The following ARHGAP42 variants were observed in gnomAD, a reference collection of about 807,000 sequenced individuals.
ARHGAP42 encodes rho GTPase-activating protein 42.
A neutral mutation model predicts 125.0 loss-of-function variants in ARHGAP42; 63 were observed. That is an observed-to-expected ratio of 0.50 (90% confidence interval 0.41 to 0.62). The LOEUF (loss-of-function observed/expected upper bound fraction) is 0.62, where lower values mean the gene tolerates loss of function less well. Among genes scored for constraint, ARHGAP42 ranks in the 20% least tolerant of loss-of-function variants. ARHGAP42 has a pLI of 0.00. For missense variants in ARHGAP42, 766 were observed against 1,024.2 expected, an observed-to-expected ratio of 0.75 and a Z score of 3.44; for synonymous variants, 339 against 351.0, an observed-to-expected ratio of 0.97 and a Z score of 0.38.
In ARHGAP42 at chr11:100,921,239, ATATATATTTTTTTTTTTTTTT is replaced by A. The variant is rs1161453891; in HGVS notation, c.487-253_487-233del. Among the ~76,000 whole-genome samples, 49 of 26,562 alleles carry A rather than the reference ATATATATTTTTTTTTTTTTTT, an allele frequency of 1.8e-3. No homozygotes were observed. The East Asian group carries it at 0.059, about 32-fold the overall frequency. The allele number at this position is 26,562 out of a possible 152,430, so 17.4% of individuals were successfully genotyped here. ...CATATATATATATATATATATATAT[ATATATATTTTTTTTTTTTTTT>A]TTTTTTTTTTTTTACTGCAATGGGT... On this transcript the variant is annotated intron_variant, in intron 5 of 23. Transcript: ENST00000298815.
At position 100,802,122 on chromosome 11, in the gene ARHGAP42, C is replaced by T. The variant is rs116474211; in HGVS notation, c.312+6956C>T. Among the ~76,000 whole-genome samples the T allele has an allele frequency of 2.6e-3, 398 of 152,306 alleles. 3 individuals carry two copies. Among genetic ancestry groups the T allele is most frequent in the African/African-American group, 9.2e-3 (384 of 41,562 alleles). ...TGTAAACTTTGTGGTAACGTCTTCT[C>T]AGTTTCTGTACCACCATAGAAACCA... On this transcript the variant is annotated intron_variant, in intron 3 of 23. Transcript: ENST00000298815.
At chr11:100,751,474 T>G (rs1220027329) in intron 1 of ARHGAP42, among the ~76,000 whole-genome samples, 2 of 151,786 alleles carry the variant, frequency 1.3e-5, no homozygotes, top group African/African-American at 4.8e-5. Context: ...ATTTTTTTTT[T>G]TCTGCAGTAT....
At chr11:100,810,606 C>T (rs567621678) in intron 3 of ARHGAP42, among the ~76,000 whole-genome samples, 3 of 152,282 alleles carry the variant, frequency 2.0e-5, no homozygotes, top group East Asian at 3.9e-4. Flanking sequence ...AACTGTGCTA[C>T]GTAGTAGTTG....
At chr11:100,713,111 T>A (rs1861592430) in intron 1 of ARHGAP42, among the ~76,000 whole-genome samples, 1 of 152,258 alleles carries the variant, frequency 6.6e-6, no homozygotes, top group African/African-American at 2.4e-5. Context: ...TTAACAACCA[T>A]AAGTGTTCTC....
intron 2 of ARHGAP42, among the ~76,000 whole-genome samples, chr11:100,780,766 G>T (rs1863292558): frequency 6.6e-6 from 1 of 152,180 alleles, no homozygotes; most frequent in Admixed American, 6.5e-5. Flanking sequence ...AAGCCACAAT[G>T]GGTGGCATAA....
At chr11:100,958,228 G>T (rs1253345047) in intron 12 of ARHGAP42, among the ~76,000 whole-genome samples, 1 of 151,898 alleles carries the variant, frequency 6.6e-6, no homozygotes, top group Non-Finnish European at 1.5e-5. Context: ...TGAATGCTTA[G>T]TGTTATGCTG....
intron 3 of ARHGAP42, among the ~76,000 whole-genome samples, chr11:100,808,000 A>G (rs1382114524): frequency 3.3e-5 from 5 of 152,220 alleles, no homozygotes; most frequent in African/African-American, 1.2e-4. Context: ...GTAAATGTAT[A>G]TAAAGTTAGT....
Position 100,715,420 on chromosome 11 carries a change from G to A in ARHGAP42, c.154+27588G>A, listed in dbSNP as rs1297589366. Among the ~76,000 whole-genome samples, 3 of 152,086 alleles carry A rather than the reference G, an allele frequency of 2.0e-5. No individual in the cohort carries two copies. The East Asian group carries it at 5.8e-4, about 29-fold the overall frequency. On this transcript the variant is annotated intron_variant, in intron 1 of 23. Coordinates refer to ENST00000298815, the MANE Select transcript of ARHGAP42 (RefSeq NM_152432.4). Reference sequence around the variant, plus strand: ...AATAGTTTCAGCTGCAGTTTGATGTGGGGCATGCACAGAAAAGACTTCATT... The same window carrying A: ...AATAGTTTCAGCTGCAGTTTGATGTAGGGCATGCACAGAAAAGACTTCATT...
At chr11:100,942,384 G>T (rs1268836772) in intron 9 of ARHGAP42, among the ~76,000 whole-genome samples, 1 of 152,166 alleles carries the variant, frequency 6.6e-6, no homozygotes, top group Non-Finnish European at 1.5e-5. Context: ...TACCCGAAAA[G>T]TAAATTGGTC....
At chr11:100,758,275 G>A (rs546447389) in intron 1 of ARHGAP42, among the ~76,000 whole-genome samples, 16 of 152,166 alleles carry the variant, frequency 1.1e-4, no homozygotes, top group African/African-American at 3.9e-4. Context: ...TATTGGATCC[G>A]GGAATGTTTT....
chr11:100,693,353 C>T (rs1224233254), intron 1 of ARHGAP42, among the ~76,000 whole-genome samples: 1 of 152,106 alleles, frequency 6.6e-6, no homozygotes, highest in African/African-American at 2.4e-5. Context: ...GTAATTGCAT[C>T]TTTCAGATGA....
At chr11:100,751,279 G>GTGTTTTT (rs761001184) in intron 1 of ARHGAP42, among the ~76,000 whole-genome samples, 2 of 93,480 alleles carry the variant, frequency 2.1e-5, no homozygotes, top group African/African-American at 9.9e-5. Context: ...GTGTGTGTGT[G>GTGTTTTT]TTTTTTTTTT....
At chr11:100,820,260 G>A (rs1402086062) in intron 3 of ARHGAP42, among the ~76,000 whole-genome samples, 1 of 152,010 alleles carries the variant, frequency 6.6e-6, no homozygotes. Context: ...TTCTGAAGTG[G>A]GGGTAGTTAC....
At chr11:100,953,217 T>C (rs1003476756) in intron 12 of ARHGAP42, among the ~76,000 whole-genome samples, 1 of 152,102 alleles carries the variant, frequency 6.6e-6, no homozygotes, top group Non-Finnish European at 1.5e-5. Context: ...GTAACTGGTA[T>C]TGGAAACCAG....
intron 1 of ARHGAP42, among the ~76,000 whole-genome samples, chr11:100,732,729 G>C (rs1327485149): frequency 6.6e-6 from 1 of 152,196 alleles, no homozygotes; most frequent in South Asian, 2.1e-4. Context: ...GGCATAGTGA[G>C]TGACTGGCTT....
At chr11:100,715,076 T>A (rs2455569) in intron 1 of ARHGAP42, among the ~76,000 whole-genome samples, 6 of 134,660 alleles carry the variant, frequency 4.5e-5, no homozygotes, top group East Asian at 2.1e-4. Context: ...AAAAAAAAAG[T>A]TTATTTAAAC....
intron 1 of ARHGAP42, among the ~76,000 whole-genome samples, chr11:100,717,054 G>T (rs1861674260): frequency 6.6e-6 from 1 of 152,174 alleles, no homozygotes; most frequent in South Asian, 2.1e-4. Context: ...TCTGAGGATG[G>T]CTCTGGTTAC....
intron 12 of ARHGAP42, among the ~76,000 whole-genome samples, chr11:100,952,575 A>G (rs1857686913): frequency 6.6e-6 from 1 of 152,046 alleles, no homozygotes; most frequent in Non-Finnish European, 1.5e-5. Context: ...TGCTCACCCA[A>G]ACAGAATCAC....
chr11:100,712,575 A>G (rs1349208159), intron 1 of ARHGAP42, among the ~76,000 whole-genome samples: 1 of 152,092 alleles, frequency 6.6e-6, no homozygotes, highest in East Asian at 1.9e-4. Context: ...ACTGAGTGGC[A>G]GGTGGTGGGA....
Sources: allele counts gnomAD v4.1 joint callset (sites outside exome capture counted in the v4.1 genomes callset), GRCh38; gene constraint gnomAD v4.1.1; transcripts MANE v1.5; gene names NCBI Gene and HGNC (gene_info 2026-07-23, HGNC 2026-07-21).